Variants in SYN3 observed in about 807,000 individuals in gnomAD.
The protein encoded by SYN3 is synapsin-3.
Under a neutral mutation model 65.8 loss-of-function variants are expected in SYN3, and 35 were observed. The ratio of observed to expected loss-of-function variants is 0.53; its 90% CI spans 0.41 to 0.70. The LOEUF (loss-of-function observed/expected upper bound fraction) is 0.70, where lower values mean the gene tolerates loss of function less well. Ranked by LOEUF, SYN3 falls within the 30% of genes least tolerant of loss-of-function variation. SYN3 has a pLI of 0.00. For missense variants in SYN3, 680 were observed against 749.0 expected (o/e 0.91, Z 1.08); for synonymous variants, 270 against 292.9 (o/e 0.92, Z 0.80).
Position 32,653,680 on chromosome 22 carries a change from C to T in SYN3, c.712-56944G>A, listed in dbSNP as rs1037244265. On this transcript the variant is annotated intron_variant, in intron 6 of 13. Coordinates refer to ENST00000358763, the MANE Select transcript of SYN3 (RefSeq NM_003490.4). The stretch of plus-strand genomic sequence containing the variant: ...GGGGGTCAGGAGGTAGGAAGTGGCT[C>T]TGGGGAAGACAGTGTGTTGAGTTAA... Among the ~76,000 whole-genome samples, 2 of 152,246 alleles carry T rather than the reference C, an allele frequency of 1.3e-5. 1 individual carries two copies. Among genetic ancestry groups the T allele is most frequent in the South Asian group, 4.2e-4 (2 of 4,814 alleles).
At chr22:32,988,716 C>CAT (rs1211406989) in intron 2 of SYN3, among the ~76,000 whole-genome samples, 1 of 152,166 alleles carries the variant, frequency 6.6e-6, no homozygotes, top group Non-Finnish European at 1.5e-5. Context: ...TCCACCCATC[C>CAT]ATCCAATGTT....
chr22:32,711,522 T>C (rs775032898), intron 6 of SYN3, among the ~76,000 whole-genome samples: 11 of 152,146 alleles, frequency 7.2e-5, no homozygotes, highest in East Asian at 3.9e-4. Context: ...AGCAGAGTAA[T>C]TGTGTTGTGT....
chr22:32,857,492 T>G, intron 6 of SYN3: 1 of 758,314 alleles, frequency 1.3e-6, no homozygotes, highest in Non-Finnish European at 2.3e-6. Context: ...AATGTTGAAT[T>G]CATCCCACTT....
intron 6 of SYN3, among the ~76,000 whole-genome samples, chr22:32,699,321 G>C (rs2060780689): frequency 6.6e-6 from 1 of 152,208 alleles, no homozygotes; most frequent in Non-Finnish European, 1.5e-5. Context: ...TGGGCCGTTG[G>C]GCTCCCCTGA....
intron 6 of SYN3, among the ~76,000 whole-genome samples, chr22:32,616,904 C>T (rs1016646810): frequency 1.6e-4 from 25 of 152,012 alleles, no homozygotes; most frequent in Admixed American, 9.2e-4. Flanking sequence ...GAGGAAAGGA[C>T]GTTCCAGGCA....
chr22:32,520,414 G>T (rs930989880), intron 12 of SYN3, among the ~76,000 whole-genome samples: 6 of 152,018 alleles, frequency 3.9e-5, no homozygotes, highest in African/African-American at 1.4e-4. Context: ...TGGGATTACA[G>T]GTGTGAGCCA....
At chr22:33,000,636 G>A (rs777803513) in intron 2 of SYN3, among the ~76,000 whole-genome samples, 9 of 152,222 alleles carry the variant, frequency 5.9e-5, no homozygotes, top group Non-Finnish European at 1.2e-4. Flanking sequence ...GTAGAAAAGG[G>A]GGCAGCATCA....
chr22:32,843,449 T>C (rs536821003), intron 6 of SYN3, among the ~76,000 whole-genome samples: 2 of 152,306 alleles, frequency 1.3e-5, no homozygotes, highest in South Asian at 4.1e-4. Context: ...GAAAAAGGCT[T>C]GCTTGGCGGG....
intron 6 of SYN3, among the ~76,000 whole-genome samples, chr22:32,771,641 T>C (rs1217959496): frequency 6.6e-6 from 1 of 152,184 alleles, no homozygotes; most frequent in African/African-American, 2.4e-5. Context: ...CCCAAATACA[T>C]CTACATCATA....
In SYN3 at chr22:32,508,763, G is replaced by C. The variant is rs116254261; in HGVS notation, c.*4929C>G. 0.011 allele frequency among the ~76,000 whole-genome samples: 1,724 copies of C among 152,218 alleles called. 39 individuals carry two copies. The highest frequency in any genetic ancestry group is 0.038 in the African/African-American group (1,596 of 41,528). On this transcript the variant is annotated 3_prime_UTR_variant, in exon 14 of 14. Transcript: ENST00000358763. ...TTGGATTTTATTTCATAGTTTTCTAGGAGGGCTGAGCTAAAACATGTCCTG... is the reference window on the plus strand; with the variant it reads ...TTGGATTTTATTTCATAGTTTTCTACGAGGGCTGAGCTAAAACATGTCCTG...
intron 7 of SYN3, among the ~76,000 whole-genome samples, chr22:32,575,583 AC>A (rs1188173627): frequency 6.6e-6 from 1 of 152,184 alleles, no homozygotes; most frequent in Non-Finnish European, 1.5e-5. Flanking sequence ...TCCGACCACA[AC>A]TTTAAACATA....
intron 6 of SYN3, among the ~76,000 whole-genome samples, chr22:32,615,142 G>T (rs762727168): frequency 1.2e-4 from 19 of 152,298 alleles, no homozygotes; most frequent in Non-Finnish European, 1.6e-4. Flanking sequence ...CCGGGTGCGA[G>T]TGGCTCATGC....
intron 6 of SYN3, among the ~76,000 whole-genome samples, chr22:32,744,420 G>C (rs549362648): frequency 1.3e-5 from 2 of 152,316 alleles, no homozygotes; most frequent in African/African-American, 4.8e-5. Context: ...ATTAATGCCT[G>C]CTTCTTACCT....
intron 1 of SYN3, among the ~76,000 whole-genome samples, chr22:33,010,027 G>A (rs1373777146): frequency 1.3e-5 from 2 of 152,140 alleles, no homozygotes; most frequent in African/African-American, 4.8e-5. Context: ...GAGGTCTGCA[G>A]TTCGAGACCA....
rs193154411 is a variant in SYN3, at chr22:32,811,234, G to A, written c.711+53681C>T. 4.8e-3 allele frequency among the ~76,000 whole-genome samples: 726 copies of A among 152,254 alleles called. 9 individuals carry two copies. Among genetic ancestry groups the A allele is most frequent in the African/African-American group, 0.015 (618 of 41,552 alleles). On this transcript the variant is annotated intron_variant, in intron 6 of 13. Transcript: ENST00000358763. The stretch of plus-strand genomic sequence containing the variant: ...ATCAAAGATAAGCAGACTGAGGGGG[G>A]CCCCAAAAGTGGGGAGCCAAAGACT...
chr22:32,671,083 A>G (rs2060354990), intron 6 of SYN3, among the ~76,000 whole-genome samples: 1 of 152,198 alleles, frequency 6.6e-6, no homozygotes, highest in Admixed American at 6.5e-5. Flanking sequence ...CAGTTTACAT[A>G]TCTGTCAAGT....
intron 6 of SYN3, among the ~76,000 whole-genome samples, chr22:32,725,417 TC>T (rs1285331136): frequency 6.6e-6 from 1 of 152,182 alleles, no homozygotes; most frequent in Non-Finnish European, 1.5e-5. Flanking sequence ...TCCCCGTCCC[TC>T]CACTCCAAAG....
At chr22:32,565,517 A>C (rs1249506550) in intron 7 of SYN3, among the ~76,000 whole-genome samples, 1 of 149,564 alleles carries the variant, frequency 6.7e-6, no homozygotes, top group African/African-American at 2.4e-5. Flanking sequence ...AATATATATA[A>C]ATATATAAGT....
At chr22:32,565,796 C>G (rs2058664924) in intron 7 of SYN3, among the ~76,000 whole-genome samples, 1 of 151,978 alleles carries the variant, frequency 6.6e-6, no homozygotes, top group Admixed American at 6.6e-5. Flanking sequence ...ACTGCAAGCT[C>G]CGCCTCCCAG....
Sources: allele counts gnomAD v4.1 joint callset (sites outside exome capture counted in the v4.1 genomes callset), GRCh38; gene constraint gnomAD v4.1.1; transcripts MANE v1.5; gene names NCBI Gene and HGNC (gene_info 2026-07-23, HGNC 2026-07-21).